The following EXOC4 variants were observed in gnomAD, a reference collection of about 807,000 sequenced individuals.
EXOC4 encodes the protein exocyst complex component 4.
In EXOC4, 71 loss-of-function variants were observed where a neutral mutation model predicts 107.2. The observed-to-expected ratio is 0.66, with a 90% CI of 0.55 to 0.81. The LOEUF is 0.81. Ranked by LOEUF, EXOC4 falls within the 30% of genes least tolerant of loss-of-function variation. The pLI is 0.00. For synonymous variants in EXOC4, 456 were observed against 441.2 expected (o/e 1.03, Z -0.42); for missense variants, 1,108 against 1,189.6 (o/e 0.93, Z 1.01).
chr7:133,329,235 C>T (rs1466866334), intron 5 of EXOC4, among the ~76,000 whole-genome samples: 1 of 152,176 alleles, frequency 6.6e-6, no homozygotes, highest in African/African-American at 2.4e-5. Flanking sequence ...GTGTATGCTT[C>T]ACAAAGTTCT....
chr7:133,594,950 T>G (rs1014315123), intron 9 of EXOC4, among the ~76,000 whole-genome samples: 1 of 152,186 alleles, frequency 6.6e-6, no homozygotes, highest in African/African-American at 2.4e-5. Flanking sequence ...CAGTTGCTAT[T>G]TCAGATCCAA....
chr7:133,896,806 C>G (rs374874125), intron 12 of EXOC4, among the ~76,000 whole-genome samples: 2 of 143,722 alleles, frequency 1.4e-5, no homozygotes, highest in East Asian at 3.9e-4. Flanking sequence ...GCTGGGACTA[C>G]AGGTGCGCGC....
chr7:133,472,777 T>G (rs1181690902), intron 7 of EXOC4, among the ~76,000 whole-genome samples: 4 of 152,092 alleles, frequency 2.6e-5, no homozygotes, highest in African/African-American at 7.2e-5. Context: ...GTTTGCAGAT[T>G]GAAAGGAGAA....
chr7:133,294,574 G>T (rs920715979), intron 3 of EXOC4, among the ~76,000 whole-genome samples: 1 of 151,964 alleles, frequency 6.6e-6, no homozygotes, highest in African/African-American at 2.4e-5. Context: ...TAGCTGTATA[G>T]TCAGATAAGG....
chr7:133,440,058 A>C (rs894695320), intron 7 of EXOC4, among the ~76,000 whole-genome samples: 5 of 152,238 alleles, frequency 3.3e-5, no homozygotes, highest in Admixed American at 6.5e-5. Flanking sequence ...GATTACATTG[A>C]ATAATCACTT....
chr7:133,640,064 T>C (rs1357798518), intron 10 of EXOC4, among the ~76,000 whole-genome samples: 3 of 152,178 alleles, frequency 2.0e-5, no homozygotes, highest in African/African-American at 7.2e-5. Flanking sequence ...TCTGTACACA[T>C]ATTTTTAAAT....
chr7:133,590,584 A>G (rs1415976773), intron 9 of EXOC4, among the ~76,000 whole-genome samples: 1 of 152,134 alleles, frequency 6.6e-6, no homozygotes, highest in East Asian at 1.9e-4. Context: ...AGAGAAGGAG[A>G]GAAGAGAAGA....
At chr7:133,255,127 A>G (rs1210807209) in intron 1 of EXOC4, among the ~76,000 whole-genome samples, 1 of 151,562 alleles carries the variant, frequency 6.6e-6, no homozygotes, top group Non-Finnish European at 1.5e-5. Flanking sequence ...ATTTAGGCCT[A>G]GGTATTTTTT....
chr7:133,707,982 A>C (rs1055617497), intron 10 of EXOC4, among the ~76,000 whole-genome samples: 2 of 152,168 alleles, frequency 1.3e-5, no homozygotes, highest in Non-Finnish European at 2.9e-5. Context: ...TACTTAGATA[A>C]TGGAATGATA....
intron 5 of EXOC4, among the ~76,000 whole-genome samples, chr7:133,326,807 T>A (rs1795255239): frequency 6.6e-6 from 1 of 152,220 alleles, no homozygotes; most frequent in Non-Finnish European, 1.5e-5. Context: ...CCCCCAGAGG[T>A]GCAGTCTACA....
At chr7:133,650,508 C>A (rs2151033970) in intron 10 of EXOC4, among the ~76,000 whole-genome samples, 1 of 151,816 alleles carries the variant, frequency 6.6e-6, no homozygotes, top group South Asian at 2.1e-4. Context: ...ATAAAAAAAG[C>A]CAGAAGTTTA....
chr7:133,510,958 T>C (rs191889686), intron 9 of EXOC4, among the ~76,000 whole-genome samples: 2 of 152,290 alleles, frequency 1.3e-5, no homozygotes, highest in East Asian at 1.9e-4. Flanking sequence ...TTATAACTTA[T>C]TTATAAAAGA....
At chr7:134,019,126 C>T (rs1794972936) in intron 17 of EXOC4, among the ~76,000 whole-genome samples, 1 of 152,122 alleles carries the variant, frequency 6.6e-6, no homozygotes, top group Admixed American at 6.5e-5. Context: ...GATGGGGTTT[C>T]ACCATGTTAG....
intron 9 of EXOC4, among the ~76,000 whole-genome samples, chr7:133,555,761 A>G (rs1800679192): frequency 6.6e-6 from 1 of 152,224 alleles, no homozygotes; most frequent in African/African-American, 2.4e-5. Flanking sequence ...GCCAAATGCA[A>G]TTTTGAATTT....
intron 1 of EXOC4, among the ~76,000 whole-genome samples, chr7:133,257,023 T>A (rs1013850995): frequency 6.6e-6 from 1 of 152,236 alleles, no homozygotes; most frequent in African/African-American, 2.4e-5. Flanking sequence ...TAAAAATGCT[T>A]AATTATTTAA....
intron 10 of EXOC4, among the ~76,000 whole-genome samples, chr7:133,661,953 C>A (rs1793701595): frequency 6.6e-6 from 1 of 151,986 alleles, no homozygotes; most frequent in Non-Finnish European, 1.5e-5. Flanking sequence ...ATAATAATAG[C>A]CAGCATTTTT....
intron 10 of EXOC4, among the ~76,000 whole-genome samples, chr7:133,688,270 T>C (rs1794348907): frequency 1.3e-5 from 2 of 152,180 alleles, no homozygotes; most frequent in African/African-American, 2.4e-5. Context: ...GTGCATGGAA[T>C]AGGCATTTCA....
intron 10 of EXOC4, among the ~76,000 whole-genome samples, chr7:133,734,243 A>G (rs1228702663): frequency 6.6e-6 from 1 of 152,206 alleles, no homozygotes; most frequent in Admixed American, 6.5e-5. Context: ...TCAAAAACTC[A>G]AATTATTGAT....
chr7:134,057,240 C>G (rs1293891128), intron 17 of EXOC4, among the ~76,000 whole-genome samples: 1 of 152,128 alleles, frequency 6.6e-6, no homozygotes, highest in African/African-American at 2.4e-5. Flanking sequence ...CTATCTTTAC[C>G]TCTTGAATGA....
Sources: allele counts gnomAD v4.1 joint callset (sites outside exome capture counted in the v4.1 genomes callset), GRCh38; gene constraint gnomAD v4.1.1; transcripts MANE v1.5; gene names NCBI Gene and HGNC (gene_info 2026-07-23, HGNC 2026-07-21).